The following LAMA3 variants were observed in gnomAD, a reference collection of about 807,000 sequenced individuals.
LAMA3 encodes laminin subunit alpha 3.
In LAMA3, 281 loss-of-function variants were observed where a neutral mutation model predicts 402.0. The observed-to-expected ratio is 0.70, with a 90% confidence interval of 0.63 to 0.77. The LOEUF (loss-of-function observed/expected upper bound fraction) is 0.77. LAMA3 is among the 30% of genes least tolerant of loss of function. The probability of loss-of-function intolerance (pLI) is 0.00; values close to 1 mark genes in which losing one functional copy is unlikely to be tolerated. For synonymous variants in LAMA3, 1,431 were observed against 1,558.4 expected, an observed-to-expected ratio of 0.92 and a Z score of 1.93; for missense variants, 3,840 against 4,215.5, an observed-to-expected ratio of 0.91 and a Z score of 2.47.
chr18:23,827,196 A>G, intron 22 of LAMA3, 118 bp from the exon 23 acceptor site: 3 of 1,071,412 alleles, frequency 2.8e-6, no homozygotes, highest in Non-Finnish European at 4.3e-6. Flanking sequence ...AGTTTATTGA[A>G]GGATGATGAA....
intron 44 of LAMA3, among the ~76,000 whole-genome samples, chr18:23,895,827 G>T (rs1163680353): frequency 2.0e-5 from 3 of 151,300 alleles, no homozygotes; most frequent in Non-Finnish European, 1.5e-5. Flanking sequence ...CTTGCTTTGG[G>T]TGAAACTTGC....
Position 23,904,690 on chromosome 18 carries a change from T to A in LAMA3, c.6611T>A (p.Leu2204His), listed in dbSNP as rs2081186763. 4 of 1,613,994 alleles carry A rather than the reference T, an allele frequency of 2.5e-6. No homozygotes were observed. In the South Asian group the frequency reaches 4.4e-5, roughly 18 times the overall value. The change falls in exon 51 of 75, where the codon CTC becomes CAC. Residue 2204 changes from leucine (L) to histidine (H), a missense_variant. Physicochemically the swap from Leu to His is moderately conservative, Grantham distance 99. Transcript: ENST00000313654. ...NRAASASESA[L>H]QTVIKEDLPR... ...GCTGCCAGTGCATCTGAATCTGCCC[T>A]CCAGGTGGGCACCTGTACCAGCAGC...
intron 12 of LAMA3, among the ~76,000 whole-genome samples, chr18:23,793,110 G>A (rs142331175): frequency 8.9e-4 from 135 of 152,306 alleles, no homozygotes; most frequent in Non-Finnish European, 1.2e-4. Context: ...GCAGGGATAA[G>A]CAGGTTTAGG....
chr18:23,922,249 C>T (rs2081868791), intron 62 of LAMA3, among the ~76,000 whole-genome samples: 1 of 152,234 alleles, frequency 6.6e-6, no homozygotes, highest in African/African-American at 2.4e-5. Flanking sequence ...GTGGACAGAA[C>T]ATATCCTGGA....
intron 1 of LAMA3, among the ~76,000 whole-genome samples, chr18:23,706,560 G>A (rs923627563): frequency 3.3e-5 from 5 of 152,224 alleles, no homozygotes; most frequent in Middle Eastern, 3.4e-3. Context: ...AACATTTCTT[G>A]AAATGCTTAT....
chr18:23,769,706 A>G (rs2062154369), intron 8 of LAMA3, among the ~76,000 whole-genome samples: 1 of 152,246 alleles, frequency 6.6e-6, no homozygotes. Context: ...CACACCAGAC[A>G]CAAAAGGAAG....
At chr18:23,740,823 C>T (rs960154134) in intron 2 of LAMA3, among the ~76,000 whole-genome samples, 10 of 152,188 alleles carry the variant, frequency 6.6e-5, no homozygotes, top group African/African-American at 2.4e-4. Flanking sequence ...TGGGAGGGGA[C>T]TTAGGGACCT....
chr18:23,744,724 C>A (rs2061619796), intron 2 of LAMA3, among the ~76,000 whole-genome samples: 1 of 148,834 alleles, frequency 6.7e-6, no homozygotes, highest in African/African-American at 2.5e-5. Context: ...CCCAGCTACT[C>A]AGGAGGCTGA....
intron 62 of LAMA3, among the ~76,000 whole-genome samples, 176 bp from the exon 63 acceptor site, chr18:23,927,947 T>A (rs1313389175): frequency 6.6e-6 from 1 of 152,280 alleles, no homozygotes; most frequent in African/African-American, 2.4e-5. Flanking sequence ...AGAAAGGAAG[T>A]CAGTTCTCCC....
intron 1 of LAMA3, among the ~76,000 whole-genome samples, chr18:23,706,218 C>T (rs2060887038): frequency 1.3e-5 from 2 of 152,136 alleles, no homozygotes; most frequent in East Asian, 1.9e-4. Context: ...GTTCATCCAC[C>T]CTCCTGTGGC....
In LAMA3 at chr18:23,864,863, A is replaced by C. The variant is rs774179074; in HGVS notation, c.4663A>C (p.Lys1555Gln). 1.2e-6 allele frequency: 2 copies of C among 1,613,140 alleles called. No individual in the cohort carries two copies. Among genetic ancestry groups the C allele is most frequent in the Non-Finnish European group, 8.5e-7 (1 of 1,179,298 alleles). Residue 1555 changes from lysine to glutamine, a missense_variant, in exon 36 of 75, where the codon AAG (lysine) becomes CAG (glutamine). Coordinates refer to ENST00000313654, the MANE Select transcript of LAMA3 (RefSeq NM_198129.4). ...LPGDMVLLEK[K>Q]PDVQLTGQHM... ...TGGCGACATGGTTCTTCTGGAAAAG[A>C]AGCCGGATGTACAGCTCACTGTAGG...
At chr18:23,917,036 G>A (rs1292346621) in intron 60 of LAMA3, among the ~76,000 whole-genome samples, 1 of 151,994 alleles carries the variant, frequency 6.6e-6, no homozygotes, top group Non-Finnish European at 1.5e-5. Flanking sequence ...CCACCCTCAA[G>A]TAGGCCCCAG....
At chr18:23,810,240 G>GA in intron 12 of LAMA3, 126 bp from the exon 13 acceptor site, 1 of 1,111,040 alleles carries the variant, frequency 9.0e-7, no homozygotes, top group Non-Finnish European at 1.4e-6. Flanking sequence ...GATCTCATAA[G>GA]AAGTGGAGCT....
At chr18:23,867,439 C>T (rs1431249618) in intron 36 of LAMA3, among the ~76,000 whole-genome samples, 1 of 150,542 alleles carries the variant, frequency 6.6e-6, no homozygotes, top group Admixed American at 6.7e-5. Flanking sequence ...ATCCTAGCTA[C>T]TAGGGAGGCT....
chr18:23,691,375 T>C (rs2060585107), intron 1 of LAMA3, among the ~76,000 whole-genome samples: 2 of 152,106 alleles, frequency 1.3e-5, no homozygotes, highest in East Asian at 1.9e-4. Flanking sequence ...TTATATATTA[T>C]CTATATTATA....
intron 1 of LAMA3, 117 bp from the exon 2 acceptor site, chr18:23,713,803 C>A: frequency 1.2e-6 from 1 of 849,762 alleles, no homozygotes; most frequent in Non-Finnish European, 1.8e-6. Context: ...CTTCTCTAAG[C>A]TGTATAAGAT....
chr18:23,882,456 C>T (rs1381158589), intron 40 of LAMA3, among the ~76,000 whole-genome samples: 1 of 151,916 alleles, frequency 6.6e-6, no homozygotes, highest in Non-Finnish European at 1.5e-5. Flanking sequence ...ATGGTGAAAC[C>T]CCGTCTCTAC....
chr18:23,753,600 G>A, intron 5 of LAMA3, 121 bp from the exon 6 acceptor site: 1 of 734,044 alleles, frequency 1.4e-6, no homozygotes, highest in Non-Finnish European at 2.5e-6. Context: ...CCCAATGTAG[G>A]GCTCAAGAAT....
chr18:23,707,998 A>G (rs961681273), intron 1 of LAMA3, among the ~76,000 whole-genome samples: 1 of 152,210 alleles, frequency 6.6e-6, no homozygotes, highest in African/African-American at 2.4e-5. Flanking sequence ...CCTTGCTCTC[A>G]GTTCTAAAAG....
Sources: gnomAD v4.1 joint callset for allele counts (sites outside exome capture counted in the v4.1 genomes callset) on GRCh38, gnomAD v4.1.1 for gene constraint, MANE v1.5 for transcripts, NCBI Gene and HGNC (gene_info 2026-07-23, HGNC 2026-07-21) for gene names.